The following SSH2 variants were observed in gnomAD, a reference collection of about 807,000 sequenced individuals.
SSH2 encodes the protein protein phosphatase Slingshot homolog 2.
A neutral mutation model predicts 135.2 loss-of-function variants in SSH2; 37 were observed. That is an observed-to-expected ratio of 0.27 (90% CI 0.21 to 0.36). SSH2 has a LOEUF of 0.36. SSH2 is among the 10% of genes least tolerant of loss of function. The probability of loss-of-function intolerance (pLI) is 1.00; values close to 1 mark genes in which losing one functional copy is unlikely to be tolerated. For synonymous variants in SSH2, 628 were observed against 646.2 expected, an observed-to-expected ratio of 0.97 and a Z score of 0.43; for missense variants, 1,408 against 1,765.3, an observed-to-expected ratio of 0.80 and a Z score of 3.63.
intron 1 of SSH2, among the ~76,000 whole-genome samples, chr17:29,871,110 T>C (rs1250121840): frequency 6.6e-6 from 1 of 152,074 alleles, no homozygotes; most frequent in Non-Finnish European, 1.5e-5. Flanking sequence ...AATGAAACTC[T>C]GGCTAACAGG....
chr17:29,872,310 C>T (rs1345607318), intron 1 of SSH2, among the ~76,000 whole-genome samples: 2 of 152,142 alleles, frequency 1.3e-5, no homozygotes, highest in East Asian at 3.8e-4. Flanking sequence ...GAACTCTTGG[C>T]TCCCATTCAA....
intron 1 of SSH2, chr17:29,883,021 A>G (rs2066167744): frequency 6.6e-6 from 1 of 152,170 alleles, no homozygotes; most frequent in Non-Finnish European, 1.5e-5. Flanking sequence ...TTTGTGATTC[A>G]TAAGCATGGT....
intron 1 of SSH2, among the ~76,000 whole-genome samples, chr17:29,886,635 T>C (rs1379118249): frequency 6.6e-6 from 1 of 151,044 alleles, no homozygotes; most frequent in Non-Finnish European, 1.5e-5. Context: ...TAGTCCCAAC[T>C]ACTCGGGAGG....
chr17:29,754,224 T>C (rs2041043048), intron 3 of SSH2, among the ~76,000 whole-genome samples: 1 of 152,158 alleles, frequency 6.6e-6, no homozygotes, highest in Admixed American at 6.6e-5. Flanking sequence ...ATCCTAGACT[T>C]ACAGAATCAG....
At chr17:29,744,474 A>G (rs2040686789) in intron 3 of SSH2, among the ~76,000 whole-genome samples, 1 of 152,198 alleles carries the variant, frequency 6.6e-6, no homozygotes, top group South Asian at 2.1e-4. Flanking sequence ...TTAATGTAAC[A>G]TGGCATTTAT....
At chr17:29,903,407 A>G (rs2066597247) in intron 1 of SSH2, among the ~76,000 whole-genome samples, 1 of 151,636 alleles carries the variant, frequency 6.6e-6, no homozygotes, top group Admixed American at 6.6e-5. Flanking sequence ...CACAACTTGA[A>G]GCATTTTCAG....
intron 3 of SSH2, among the ~76,000 whole-genome samples, chr17:29,790,858 A>C (rs1390936205): frequency 1.3e-5 from 2 of 150,984 alleles, no homozygotes; most frequent in Non-Finnish European, 2.9e-5. Context: ...CCTCCTGAGT[A>C]GCTGGGATTA....
chr17:29,667,262 T>C, intron 9 of SSH2, 39 bp from the exon 10 acceptor site: 1 of 1,281,390 alleles, frequency 7.8e-7, no homozygotes, highest in African/African-American at 1.5e-5. Context: ...TAAACGATAT[T>C]CTTAATAACG....
intron 1 of SSH2, among the ~76,000 whole-genome samples, chr17:29,878,550 AAATC>A (rs2066078037): frequency 6.6e-6 from 1 of 152,218 alleles, no homozygotes; most frequent in Non-Finnish European, 1.5e-5. Context: ...TAGAATAAAT[AAATC>A]AATGGATGAG....
intron 14 of SSH2, among the ~76,000 whole-genome samples, chr17:29,637,349 T>C (rs186257322): frequency 6.6e-6 from 1 of 152,120 alleles, no homozygotes; most frequent in African/African-American, 2.4e-5. Flanking sequence ...TATGCCCACA[T>C]TGGCCCCCCA....
intron 3 of SSH2, among the ~76,000 whole-genome samples, chr17:29,726,448 G>A (rs944208386): frequency 6.6e-6 from 1 of 152,154 alleles, no homozygotes; most frequent in Non-Finnish European, 1.5e-5. Context: ...TGCATTTCTA[G>A]AAAGATTCCT....
At chr17:29,915,317 A>G (rs2066861984) in intron 1 of SSH2, among the ~76,000 whole-genome samples, 1 of 152,214 alleles carries the variant, frequency 6.6e-6, no homozygotes, top group Admixed American at 6.5e-5. Context: ...AATGCATCTA[A>G]GAGCAGCATT....
chr17:29,773,305 C>A (rs940540883), intron 3 of SSH2, among the ~76,000 whole-genome samples: 2 of 152,016 alleles, frequency 1.3e-5, no homozygotes, highest in African/African-American at 4.8e-5. Flanking sequence ...AAAGAAAAGA[C>A]AAGGGGTCCT....
At chr17:29,829,633 A>G (rs1394119473) in intron 2 of SSH2, among the ~76,000 whole-genome samples, 1 of 152,110 alleles carries the variant, frequency 6.6e-6, no homozygotes, top group African/African-American at 2.4e-5. Context: ...CCTATCACTC[A>G]TTTATTCTTC....
chr17:29,882,796 C>T (rs1417739835), intron 1 of SSH2, among the ~76,000 whole-genome samples: 1 of 152,118 alleles, frequency 6.6e-6, no homozygotes, highest in Non-Finnish European at 1.5e-5. Flanking sequence ...AGCTGGAAGT[C>T]TACCAAGTTA....
chr17:29,761,865 G>GTGTT (rs2041321931), intron 3 of SSH2, among the ~76,000 whole-genome samples: 1 of 133,978 alleles, frequency 7.5e-6, no homozygotes, highest in Non-Finnish European at 1.6e-5. Flanking sequence ...GTGTGTGTGT[G>GTGTT]TGTGTGTATA....
intron 3 of SSH2, among the ~76,000 whole-genome samples, chr17:29,780,212 A>T (rs1326400926): frequency 6.6e-6 from 1 of 152,028 alleles, no homozygotes; most frequent in Non-Finnish European, 1.5e-5. Context: ...GCGAGACTCC[A>T]TCTCAAACAG....
intron 3 of SSH2, among the ~76,000 whole-genome samples, chr17:29,756,431 T>C (rs1365821465): frequency 6.8e-6 from 1 of 147,420 alleles, no homozygotes; most frequent in African/African-American, 2.5e-5. Context: ...CCACTACACC[T>C]GCCTGCCTGC....
At chr17:29,734,228 T>C (rs2040294455) in intron 3 of SSH2, among the ~76,000 whole-genome samples, 1 of 152,132 alleles carries the variant, frequency 6.6e-6, no homozygotes, top group African/African-American at 2.4e-5. Flanking sequence ...GCCTAATTTC[T>C]AAGTGAGAGA....
Sources: gnomAD v4.1 joint callset for allele counts (sites outside exome capture counted in the v4.1 genomes callset) on GRCh38, gnomAD v4.1.1 for gene constraint, MANE v1.5 for transcripts, NCBI Gene and HGNC (gene_info 2026-07-23, HGNC 2026-07-21) for gene names.